Variants in PAN3 observed in about 807,000 individuals in gnomAD.
The protein encoded by PAN3 is poly(A) specific ribonuclease subunit PAN3, also known as PAN2-PAN3 deadenylation complex subunit PAN3.
PAN3 carries 19 observed loss-of-function variants against 96.2 expected under a neutral mutation model. The observed-to-expected ratio is 0.20, with a 90% CI of 0.14 to 0.29. PAN3 has a LOEUF of 0.29. Ranked by LOEUF, PAN3 falls within the 10% of genes least tolerant of loss-of-function variation. PAN3 has a pLI of 1.00. For synonymous variants in PAN3, 433 were observed against 406.6 expected, an observed-to-expected ratio of 1.06 and a Z score of -0.78; for missense variants, 882 against 1,108.1, an observed-to-expected ratio of 0.80 and a Z score of 2.90.
intron 4 of PAN3, among the ~76,000 whole-genome samples, chr13:28,181,998 G>A (rs957135698): frequency 6.6e-6 from 1 of 152,170 alleles, no homozygotes; most frequent in Non-Finnish European, 1.5e-5. Flanking sequence ...AACCTTAATA[G>A]CAAGATAGAT....
intron 18 of PAN3, among the ~76,000 whole-genome samples, chr13:28,290,680 A>T (rs1284221456): frequency 7.2e-5 from 11 of 152,136 alleles, no homozygotes; most frequent in African/African-American, 2.7e-4. Flanking sequence ...AAAACTCTGT[A>T]TCAAAAAAAG....
chr13:28,248,310 G>A (rs1884400018), intron 6 of PAN3, among the ~76,000 whole-genome samples: 1 of 152,112 alleles, frequency 6.6e-6, no homozygotes, highest in African/African-American at 2.4e-5. Context: ...ACTTCTGACA[G>A]TTTTTGGGTG....
At chr13:28,240,436 T>C (rs1335026718) in intron 6 of PAN3, among the ~76,000 whole-genome samples, 1 of 152,210 alleles carries the variant, frequency 6.6e-6, no homozygotes, top group Non-Finnish European at 1.5e-5. Context: ...ATAATTTTGT[T>C]ATTTAAGAAT....
At chr13:28,189,046 T>C (rs540215570) in intron 4 of PAN3, among the ~76,000 whole-genome samples, 5 of 152,310 alleles carry the variant, frequency 3.3e-5, no homozygotes, top group African/African-American at 9.6e-5. Context: ...AATATACATG[T>C]GTGTCCTAAA....
rs568923098 is a variant in PAN3 at position 28,292,690 on chromosome 13, T to C, written c.*168T>C. On this transcript the variant is annotated 3_prime_UTR_variant, in exon 19 of 19. Transcript: ENST00000380958. Reference sequence around the variant, plus strand: ...ACTGTTACTTGAAAGGAAGAATGTTTCACTTACCCAAGAGCTATGGCTGCC... The same window carrying C: ...ACTGTTACTTGAAAGGAAGAATGTTCCACTTACCCAAGAGCTATGGCTGCC... 8.2e-5 allele frequency: 43 copies of C among 525,762 alleles called. 1 individual carries two copies. The East Asian group carries it at 1.4e-3, about 18-fold the overall frequency. The allele number at this position is 525,762 out of a possible 1,614,324, so 32.6% of individuals were successfully genotyped here.
intron 1 of PAN3, among the ~76,000 whole-genome samples, chr13:28,164,055 T>A (rs1163307940): frequency 6.6e-6 from 1 of 152,160 alleles, no homozygotes; most frequent in East Asian, 1.9e-4. Context: ...ATTGTGGCAC[T>A]GCACTCCAGC....
chr13:28,265,571 A>C (rs1423516306), intron 9 of PAN3, among the ~76,000 whole-genome samples: 1 of 152,238 alleles, frequency 6.6e-6, no homozygotes, highest in Non-Finnish European at 1.5e-5. Context: ...AATTGTTGTG[A>C]GAATTAAGAG....
chr13:28,167,453 G>A (rs143582269), intron 1 of PAN3, among the ~76,000 whole-genome samples: 140 of 152,066 alleles, frequency 9.2e-4, no homozygotes, highest in African/African-American at 3.3e-3. Flanking sequence ...GAGCCATTGC[G>A]CCCGGCCCAA....
intron 5 of PAN3, chr13:28,215,121 G>C (rs1360251173): frequency 1.3e-6 from 1 of 787,326 alleles, no homozygotes; most frequent in Non-Finnish European, 2.2e-6. Flanking sequence ...CAACATGCTG[G>C]AGCCAAGTGC....
At chr13:28,192,750 A>G (rs1019572082) in intron 4 of PAN3, among the ~76,000 whole-genome samples, 2 of 152,210 alleles carry the variant, frequency 1.3e-5, no homozygotes, top group Non-Finnish European at 2.9e-5. Context: ...TCCTGATACA[A>G]AGTAGATTCT....
intron 4 of PAN3, among the ~76,000 whole-genome samples, chr13:28,194,192 C>T (rs947030941): frequency 1.3e-5 from 2 of 150,260 alleles, no homozygotes; most frequent in African/African-American, 4.9e-5. Context: ...AAAAAAAGTA[C>T]ATCTGAATTT....
intron 6 of PAN3, among the ~76,000 whole-genome samples, chr13:28,235,840 T>G (rs1459381484): frequency 1.3e-5 from 2 of 151,546 alleles, no homozygotes; most frequent in Admixed American, 1.3e-4. Flanking sequence ...CCCTGTGGAG[T>G]AGCTAGGACT....
chr13:28,163,469 AGATT>A (rs1414444783), intron 1 of PAN3, among the ~76,000 whole-genome samples: 1 of 152,222 alleles, frequency 6.6e-6, no homozygotes, highest in African/African-American at 2.4e-5. Context: ...CACTTTACAT[AGATT>A]ATTTCATTTG....
rs190912671 is a variant in PAN3 at position 28,155,018 on chromosome 13, C to T, written c.430+15931C>T. 6.8e-3 allele frequency among the ~76,000 whole-genome samples: 1,015 copies of T among 149,682 alleles called. 11 individuals are homozygous for T. Among genetic ancestry groups the T allele is most frequent in the African/African-American group, 0.024 (975 of 40,766 alleles). On this transcript the variant is annotated intron_variant, in intron 1 of 18. Coordinates refer to ENST00000380958, the MANE Select transcript of PAN3 (RefSeq NM_175854.8). The stretch of plus-strand genomic sequence containing the variant: ...TGTATTTTTTTTTTTTTAGTAGAGA[C>T]GGGGTTTCACCGTGGTCTCGATCTC...
chr13:28,211,340 C>T (rs961801499), intron 5 of PAN3, among the ~76,000 whole-genome samples: 1 of 152,164 alleles, frequency 6.6e-6, no homozygotes, highest in East Asian at 1.9e-4. Flanking sequence ...TGCCTAGTCA[C>T]TCCCAGTGGC....
At chr13:28,138,249 A>C, upstream of PAN3, 1 of 152,660 alleles carries the variant, frequency 6.6e-6, no homozygotes, top group Non-Finnish European at 1.5e-5. Context: ...ACTCGGAGGA[A>C]CCAGAGCGCG....
Position 28,266,785 on chromosome 13 carries a change from A to G in PAN3, c.1482A>G (p.Ile494Met), listed in dbSNP as rs1886217811. Reference sequence around the variant, plus strand: ...AACCACTGCCACCTCCCAACCGGATACAGAAATCAAGTAATTTTGGATATA... The same window carrying G: ...AACCACTGCCACCTCCCAACCGGATGCAGAAATCAAGTAATTTTGGATATA... The part of the protein sequence containing the change: ...PLEPLPPPNR[I>M]QKSSNFGYIT... Residue 494 changes from isoleucine to methionine, a missense_variant, in exon 10 of 19, where the codon ATA (isoleucine) becomes ATG (methionine). Ile to Met is a conservative substitution (Grantham distance 10). This residue lies in a region of PAN3 where 364 missense variants were observed against 513.6 expected (regional missense o/e 0.71). Coordinates refer to ENST00000380958, the MANE Select transcript of PAN3 (RefSeq NM_175854.8). 6.2e-7 allele frequency: 1 copy of G among 1,610,650 alleles called. No homozygotes were observed. The highest frequency in any genetic ancestry group is 8.5e-7 in the Non-Finnish European group (1 of 1,178,204).
chr13:28,174,100 A>C (rs963137138), intron 1 of PAN3, among the ~76,000 whole-genome samples, 172 bp from the exon 2 acceptor site: 4 of 152,240 alleles, frequency 2.6e-5, no homozygotes, highest in African/African-American at 9.6e-5. Flanking sequence ...GCACTGTTTA[A>C]CATATTTCTG....
At chr13:28,172,435 G>A (rs1434475298) in intron 1 of PAN3, among the ~76,000 whole-genome samples, 1 of 152,034 alleles carries the variant, frequency 6.6e-6, no homozygotes, top group African/African-American at 2.4e-5. Flanking sequence ...CAGCCTGGGT[G>A]ACAGAGCGAG....
Sources: gnomAD v4.1 joint callset for allele counts (sites outside exome capture counted in the v4.1 genomes callset) on GRCh38, gnomAD v4.1.1 for gene constraint, gnomAD v4.1.1 regional missense constraint, MANE v1.5 for transcripts, NCBI Gene and HGNC (gene_info 2026-07-23, HGNC 2026-07-21) for gene names.